Variants in FHIT observed in about 807,000 individuals in gnomAD.
FHIT encodes the protein bis(5'-adenosyl)-triphosphatase.
A neutral mutation model predicts 17.9 loss-of-function variants in FHIT; 19 were observed. The observed-to-expected ratio is 1.06, with a 90% CI of 0.74 to 1.56. The LOEUF (loss-of-function observed/expected upper bound fraction) is 1.56. FHIT is among the 40% of genes most tolerant of loss of function. The pLI is 0.00. For missense variants in FHIT, 248 were observed against 189.2 expected (o/e 1.31, Z -1.82); for synonymous variants, 81 against 69.7 (o/e 1.16, Z -0.81).
intron 5 of FHIT, among the ~76,000 whole-genome samples, chr3:60,298,801 G>C (rs1345478543): frequency 2.0e-5 from 3 of 152,094 alleles, no homozygotes; most frequent in Non-Finnish European, 4.4e-5. Context: ...AAAGCTGTTA[G>C]AGCTTTAAAT....
At chr3:60,826,095 T>G (rs1702103323) in intron 3 of FHIT, among the ~76,000 whole-genome samples, 1 of 151,706 alleles carries the variant, frequency 6.6e-6, no homozygotes, top group Admixed American at 6.6e-5. Flanking sequence ...TGCTCATCTG[T>G]GCTTTTTTGT....
intron 4 of FHIT, chr3:60,595,976 A>G (rs1488167812): frequency 6.5e-6 from 1 of 153,642 alleles, no homozygotes; most frequent in Non-Finnish European, 1.4e-5. Context: ...TCCAAATCCC[A>G]TGCAAAGTAT....
At chr3:60,169,966 A>C (rs1179450840) in intron 5 of FHIT, among the ~76,000 whole-genome samples, 1 of 152,224 alleles carries the variant, frequency 6.6e-6, no homozygotes, top group Non-Finnish European at 1.5e-5. Flanking sequence ...AATGTAGCAC[A>C]TGGAATGGAC....
At chr3:60,935,023 A>G (rs1318160505) in intron 3 of FHIT, among the ~76,000 whole-genome samples, 5 of 152,142 alleles carry the variant, frequency 3.3e-5, no homozygotes, top group African/African-American at 1.2e-4. Flanking sequence ...GCCTTCCCCA[A>G]ACCTCCTAGT....
chr3:60,560,894 GTGAGTA>G (rs2036919477), intron 4 of FHIT, among the ~76,000 whole-genome samples: 1 of 151,326 alleles, frequency 6.6e-6, no homozygotes, highest in South Asian at 2.1e-4. Flanking sequence ...TGGGGAGGAA[GTGAGTA>G]GGAAGGGACA....
rs1161476707 is a variant in FHIT, at chr3:61,250,647, AC to A, written c.-213+653del. 3.3e-5 allele frequency among the ~76,000 whole-genome samples: 5 copies of A among 150,680 alleles called. No individual in the cohort carries two copies. The South Asian group carries it at 8.5e-4, about 26-fold the overall frequency. ...TCAAGTTCCACTAACCTGCCTCCTT[AC>A]CCCCCACCACCACCAACTTGGATAT... On this transcript the variant is annotated intron_variant, in intron 1 of 9. Coordinates refer to ENST00000492590, the MANE Select transcript of FHIT (RefSeq NM_002012.4).
At chr3:60,623,191 T>A (rs549899790) in intron 4 of FHIT, among the ~76,000 whole-genome samples, 25 of 152,192 alleles carry the variant, frequency 1.6e-4, no homozygotes, top group Non-Finnish European at 3.1e-4. Flanking sequence ...TTTAATGCAA[T>A]TGCGTGGCTG....
chr3:59,814,164 G>A (rs1700514116), intron 8 of FHIT, among the ~76,000 whole-genome samples: 1 of 152,132 alleles, frequency 6.6e-6, no homozygotes, highest in Non-Finnish European at 1.5e-5. Context: ...ATGTGCTGCT[G>A]TTATTTCAAG....
At chr3:60,280,391 G>T (rs1194701312) in intron 5 of FHIT, among the ~76,000 whole-genome samples, 2 of 152,206 alleles carry the variant, frequency 1.3e-5, no homozygotes, top group African/African-American at 2.4e-5. Flanking sequence ...TTCTTTGAAA[G>T]AAAGGACTTT....
At position 59,748,698 on chromosome 3, in the gene FHIT, G is replaced by C. The variant is rs1700724629; in HGVS notation, c.*887C>G. Among the ~76,000 whole-genome samples, 1 of 152,146 alleles carries C rather than the reference G, an allele frequency of 6.6e-6. No homozygotes were observed. Among genetic ancestry groups the C allele is most frequent in the African/African-American group, 2.4e-5 (1 of 41,428 alleles). ...CTAGAGAGGTGAGCTCTTTTAGCAA[G>C]GAGGGCAGTACACAGACTAAGAGAA... is the stretch of plus-strand genomic sequence containing the variant. On this transcript the variant is annotated 3_prime_UTR_variant, in exon 10 of 10. Coordinates refer to ENST00000492590, the MANE Select transcript of FHIT (RefSeq NM_002012.4).
intron 5 of FHIT, among the ~76,000 whole-genome samples, chr3:60,286,652 T>C (rs1448209181): frequency 6.6e-6 from 1 of 152,192 alleles, no homozygotes; most frequent in East Asian, 1.9e-4. Flanking sequence ...GCAACCATAA[T>C]GAAAATGTTA....
At chr3:60,511,918 C>A (rs1353271868) in intron 5 of FHIT, among the ~76,000 whole-genome samples, 1 of 152,048 alleles carries the variant, frequency 6.6e-6, no homozygotes, top group Non-Finnish European at 1.5e-5. Flanking sequence ...TGGATTCTAA[C>A]ACCTTGAATT....
intron 3 of FHIT, among the ~76,000 whole-genome samples, chr3:60,915,989 T>A (rs1483173419): frequency 6.6e-6 from 1 of 152,166 alleles, no homozygotes; most frequent in East Asian, 1.9e-4. Context: ...TGTGAACATA[T>A]ACACACATTT....
intron 2 of FHIT, among the ~76,000 whole-genome samples, chr3:61,196,539 T>C (rs2038858301): frequency 6.6e-6 from 1 of 152,176 alleles, no homozygotes; most frequent in Admixed American, 6.5e-5. Flanking sequence ...TAAAAAGATA[T>C]TTGCTGAATT....
intron 8 of FHIT, among the ~76,000 whole-genome samples, chr3:59,908,842 TCA>T: frequency 3.3e-5 from 5 of 150,938 alleles, no homozygotes; most frequent in African/African-American, 1.2e-4. Flanking sequence ...CAAGAACATT[TCA>T]TTTTTTAATA....
intron 1 of FHIT, among the ~76,000 whole-genome samples, chr3:61,221,751 A>C (rs879670518): frequency 6.6e-6 from 1 of 152,164 alleles, no homozygotes; most frequent in Non-Finnish European, 1.5e-5. Context: ...CCTCATTCTA[A>C]AGGAAGAAAA....
At chr3:60,110,863 A>T (rs556054903) in intron 5 of FHIT, among the ~76,000 whole-genome samples, 1 of 152,320 alleles carries the variant, frequency 6.6e-6, no homozygotes, top group South Asian at 2.1e-4. Flanking sequence ...TCATGTTTCA[A>T]TTATGTAACT....
intron 1 of FHIT, among the ~76,000 whole-genome samples, chr3:61,204,472 C>G (rs921499011): frequency 1.3e-5 from 2 of 151,898 alleles, no homozygotes; most frequent in African/African-American, 4.8e-5. Flanking sequence ...ATAGAGGAAA[C>G]AACATAGAGT....
intron 3 of FHIT, among the ~76,000 whole-genome samples, chr3:60,997,791 C>G (rs2030782061): frequency 6.6e-6 from 1 of 151,988 alleles, no homozygotes; most frequent in Non-Finnish European, 1.5e-5. Flanking sequence ...AGATTAAAGA[C>G]AAAACAAAAC....
Sources: allele counts gnomAD v4.1 joint callset (sites outside exome capture counted in the v4.1 genomes callset), GRCh38; gene constraint gnomAD v4.1.1; transcripts MANE v1.5; gene names NCBI Gene and HGNC (gene_info 2026-07-23, HGNC 2026-07-21).